ZNF184: variants seen among roughly 807,000 people sequenced by gnomAD.
The protein encoded by ZNF184 is zinc finger protein 184 (Kruppel-like).
Under a neutral mutation model 54.4 loss-of-function variants are expected in ZNF184, and 16 were observed. That is an observed-to-expected ratio of 0.29 (90% CI 0.20 to 0.45). ZNF184 has a LOEUF of 0.45. Ranked by LOEUF, ZNF184 falls within the 20% of genes least tolerant of loss-of-function variation. The pLI is 1.00. For missense variants in ZNF184, 681 were observed against 888.2 expected, an observed-to-expected ratio of 0.77 and a Z score of 2.97; for synonymous variants, 254 against 295.3, an observed-to-expected ratio of 0.86 and a Z score of 1.43.
chr6:27,452,240 T>C lies in ZNF184; in HGVS notation c.1319A>G (p.His440Arg). The change falls in exon 6 of 6, where the codon CAT becomes CGT. Residue 440 changes from histidine (H) to arginine (R), a missense_variant. Physicochemically the swap from His to Arg is conservative, Grantham distance 29 (BLOSUM62 0). Transcript: ENST00000683788. The surrounding 1 kb of genome is among the most constrained non-coding windows in gnomAD (Gnocchi z 5.5). ...ACAATCATAGGGTTTCTCCCCAGTATGAGTTTTTTGATGCTGAGTGAGGTT... is the reference window on the plus strand; with the variant it reads ...ACAATCATAGGGTTTCTCCCCAGTACGAGTTTTTTGATGCTGAGTGAGGTT... ...HSNLTQHQKT[H>R]TGEKPYDCAE... 1 of 1,614,182 alleles carries C rather than the reference T, an allele frequency of 6.2e-7. No homozygotes were observed. Among genetic ancestry groups the C allele is most frequent in the Non-Finnish European group, 8.5e-7 (1 of 1,180,010 alleles).
Position 27,452,685 on chromosome 6 carries a change from A to G in ZNF184, c.874T>C (p.Ser292Pro). The G allele has an allele frequency of 6.2e-7, 1 of 1,613,772 alleles. No homozygotes were observed. The highest frequency in any genetic ancestry group is 8.5e-7 in the Non-Finnish European group (1 of 1,179,950). Residue 292 changes from serine (S) to proline (P), a missense_variant, in exon 6 of 6, where the codon TCT becomes CCT. Transcript: ENST00000683788. This position sits in a 1 kb window ranked among gnomAD's most constrained non-coding sequence, Gnocchi z 5.5. ...TGAATTCTTTGATGTTGAGTAAGAG[A>G]TGGACCCTCAATGAAGCCTTTTCCA... ...QCGKGFIEGP[S>P]LTQHQRIHTG...
chr6:27,457,356 T>C lies in ZNF184; in HGVS notation c.129A>G (p.Lys43=), dbSNP rs1458230175. 2.5e-6 allele frequency: 4 copies of C among 1,614,068 alleles called. No individual in the cohort carries two copies. The South Asian group carries it at 3.3e-5, about 13-fold the overall frequency. The change falls in exon 4 of 6, where the codon AAA becomes AAG. Residue 43 remains lysine (K), a synonymous_variant. Coordinates refer to ENST00000683788, the MANE Select transcript of ZNF184 (RefSeq NM_001318891.2). ...VIVDFTQEEW[K]QLDPGQRDLF... ...AATCTCTCTGGCCAGGGTCCAGCTG[T>C]TTCCATTCTTCCTGGGTAAAGTCCA...
At chr6:27,408,773 T>C in the ZNF184 span, among the ~76,000 whole-genome samples, 7 of 152,254 alleles carry the variant, frequency 4.6e-5, no homozygotes, top group Non-Finnish European at 1.5e-5. Context: ...TTAGCTTTCT[T>C]TATATTTCTA....
chr6:27,408,544 T>C, the ZNF184 span, among the ~76,000 whole-genome samples: 5,437 of 152,236 alleles, frequency 0.036, 203 homozygotes, highest in African/African-American at 0.095. Flanking sequence ...AAGAAGAATA[T>C]CAAATATTGA....
chr6:27,459,973 C>T (rs908104181), intron 3 of ZNF184, among the ~76,000 whole-genome samples: 5 of 151,984 alleles, frequency 3.3e-5, no homozygotes, highest in African/African-American at 2.4e-5. Context: ...GACCAGCCTG[C>T]GCAACACAGT....
intron 3 of ZNF184, among the ~76,000 whole-genome samples, chr6:27,465,360 C>T (rs950584400): frequency 6.6e-6 from 1 of 150,644 alleles, no homozygotes; most frequent in African/African-American, 2.4e-5. Flanking sequence ...TGGCAGGTGC[C>T]TGTAGTCCTA....
the ZNF184 span, among the ~76,000 whole-genome samples, chr6:27,437,563 A>G: frequency 1.3e-5 from 2 of 152,340 alleles, no homozygotes; most frequent in Admixed American, 6.5e-5. Context: ...AGAGAAACCA[A>G]TTGAACCTAC....
the ZNF184 span, chr6:27,404,058 A>G: frequency 6.6e-6 from 1 of 152,178 alleles, no homozygotes; most frequent in Non-Finnish European, 1.5e-5. Flanking sequence ...CATTGTGTGT[A>G]AAAAAATGAC....
chr6:27,419,299 G>A, the ZNF184 span, among the ~76,000 whole-genome samples: 1 of 152,014 alleles, frequency 6.6e-6, no homozygotes, highest in Admixed American at 6.6e-5. The surrounding 1 kb of genome is among the most constrained non-coding windows in gnomAD (Gnocchi z 4.8). Flanking sequence ...GTAGAGACAG[G>A]GTTTCGCCAT....
chr6:27,429,068 G>C, the ZNF184 span, among the ~76,000 whole-genome samples: 1 of 152,170 alleles, frequency 6.6e-6, no homozygotes, highest in Non-Finnish European at 1.5e-5. Context: ...AATAATATTA[G>C]CTAAGTCTGT....
the ZNF184 span, among the ~76,000 whole-genome samples, chr6:27,424,452 T>C: frequency 6.6e-6 from 1 of 152,110 alleles, no homozygotes; most frequent in Admixed American, 6.5e-5. Flanking sequence ...TAGAGCCGAG[T>C]GGTCTGTTTT....
intron 2 of ZNF184, among the ~76,000 whole-genome samples, chr6:27,471,699 G>T (rs113643662): frequency 0.011 from 1,708 of 152,308 alleles, 18 homozygotes; most frequent in African/African-American, 0.025. Context: ...AGGAGGAGTT[G>T]TAACAGCTGA....
intron 5 of ZNF184, among the ~76,000 whole-genome samples, chr6:27,455,049 C>T (rs1398264707): frequency 6.6e-6 from 1 of 152,026 alleles, no homozygotes; most frequent in Admixed American, 6.6e-5. Flanking sequence ...GGGCTAGTGG[C>T]CAAACTCAAC....
chr6:27,459,457 C>T (rs1027504903), intron 3 of ZNF184, among the ~76,000 whole-genome samples: 4 of 151,818 alleles, frequency 2.6e-5, no homozygotes, highest in Admixed American at 6.6e-5. Context: ...GGCAAGTCAC[C>T]GAGGAAAATG....
chr6:27,406,096 A>G, the ZNF184 span: 2 of 152,224 alleles, frequency 1.3e-5, no homozygotes, highest in African/African-American at 2.4e-5. Context: ...ATGGGGCTAT[A>G]CATATAGCCC....
At chr6:27,426,042 G>A in the ZNF184 span, among the ~76,000 whole-genome samples, 1 of 152,132 alleles carries the variant, frequency 6.6e-6, no homozygotes, top group Non-Finnish European at 1.5e-5. The surrounding 1 kb of genome is among the most constrained non-coding windows in gnomAD (Gnocchi z 4.2). Flanking sequence ...TGAGGTACAA[G>A]GCACAATAAG....
At chr6:27,413,122 G>GGAT in the ZNF184 span, among the ~76,000 whole-genome samples, 1 of 152,164 alleles carries the variant, frequency 6.6e-6, no homozygotes, top group African/African-American at 2.4e-5. Context: ...GCCAGGCGTG[G>GGAT]TGGCACATGC....
At chr6:27,407,766 G>C in the ZNF184 span, 1 of 773,772 alleles carries the variant, frequency 1.3e-6, no homozygotes, top group Non-Finnish European at 2.4e-6. Context: ...GTCACTACAA[G>C]ATTTGCAGCT....
chr6:27,423,441 A>G, the ZNF184 span, among the ~76,000 whole-genome samples: 1 of 152,174 alleles, frequency 6.6e-6, no homozygotes, highest in African/African-American at 2.4e-5. Context: ...ATTCGTCTAC[A>G]TTTCTGATTT....
Sources: gnomAD v4.1 joint callset for allele counts (sites outside exome capture counted in the v4.1 genomes callset) on GRCh38, gnomAD v4.1.1 for gene constraint, Gnocchi (gnomAD v3.1) non-coding constraint, MANE v1.5 for transcripts, NCBI Gene and HGNC (gene_info 2026-07-23, HGNC 2026-07-21) for gene names.